Variants in PSME4 observed in about 807,000 individuals in gnomAD.
The protein encoded by PSME4 is proteasome activator subunit 4.
A neutral mutation model predicts 253.9 loss-of-function variants in PSME4; 89 were observed. That is an observed-to-expected ratio of 0.35 (90% CI 0.30 to 0.42). The LOEUF (loss-of-function observed/expected upper bound fraction) is 0.42. Among genes scored for constraint, PSME4 ranks in the 10% least tolerant of loss-of-function variants. The probability of loss-of-function intolerance (pLI) is 1.00; values close to 1 mark genes in which losing one functional copy is unlikely to be tolerated. For synonymous variants in PSME4, 851 were observed against 759.2 expected (o/e 1.12, Z -1.99); for missense variants, 2,014 against 2,195.2 (o/e 0.92, Z 1.65).
chr2:53,895,512 C>T (rs1209366108), intron 33 of PSME4, 71 bp downstream of exon 33: 4 of 1,479,946 alleles, frequency 2.7e-6, no homozygotes, highest in Non-Finnish European at 3.6e-6. Context: ...TGAACCTCCC[C>T]AGAAACCAAA....
intron 42 of PSME4, 41 bp downstream of exon 42, chr2:53,875,586 A>C: frequency 3.2e-6 from 5 of 1,567,384 alleles, no homozygotes; most frequent in Non-Finnish European, 4.3e-6. Flanking sequence ...TGGTAAACCA[A>C]AATCCTAATC....
chr2:53,939,964 G>A lies in PSME4; in HGVS notation c.537C>T (p.Ser179=). 1 of 1,598,388 alleles carries A rather than the reference G, an allele frequency of 6.3e-7. No homozygotes were observed. The highest frequency in any genetic ancestry group is 8.6e-7 in the Non-Finnish European group (1 of 1,167,998). The change falls in exon 4 of 47, where the codon AGC becomes AGT. Residue 179 remains serine, a synonymous_variant. Transcript: ENST00000404125. ...VENILKTLVK[S]CRPYFPADAT... ...ATTGAGAAGCTACTTACGGTCGGCA[G>A]CTTTTCACGAGTGTTTTGAGAATAT... is the stretch of plus-strand genomic sequence containing the variant.
At chr2:53,913,147 A>G (rs1016103024) in intron 20 of PSME4, among the ~76,000 whole-genome samples, 1 of 152,234 alleles carries the variant, frequency 6.6e-6, no homozygotes. Flanking sequence ...CATACTGTAA[A>G]TAACACCCTC....
chr2:53,898,390 T>C (rs370018654), intron 29 of PSME4, 36 bp from the exon 30 acceptor site: 1 of 1,442,308 alleles, frequency 6.9e-7, no homozygotes, highest in African/African-American at 1.4e-5. Context: ...TTTACTATAA[T>C]ACTAAAATGA....
In PSME4 at chr2:53,920,936, C is replaced by G; in HGVS notation, c.2215G>C (p.Val739Leu). ...TLIYPTEYCS[V>L]PGGFDKPPSE... ...GGAGGCTTGTCAAAGCCACCTGGCA[C>G]ACTGCAGTATTCTGTAGGGTAGATA... is the stretch of plus-strand genomic sequence containing the variant. The change falls in exon 18 of 47, where the codon GTG (valine) becomes CTG (leucine). Residue 739 changes from valine (V) to leucine (L), a missense_variant. Val to Leu is a conservative substitution (Grantham distance 32). This residue lies in a region of PSME4 where 989 missense variants were observed against 1,021.1 expected (regional missense o/e 0.97). Transcript: ENST00000404125. 6.2e-7 allele frequency: 1 copy of G among 1,613,880 alleles called. No individual in the cohort carries two copies. The highest frequency in any genetic ancestry group is 8.5e-7 in the Non-Finnish European group (1 of 1,179,802).
At chr2:53,872,122 C>G (rs1295417053) in intron 43 of PSME4, among the ~76,000 whole-genome samples, 1 of 152,088 alleles carries the variant, frequency 6.6e-6, no homozygotes, top group Non-Finnish European at 1.5e-5. Context: ...CAAATGATCC[C>G]CAACACCTCC....
chr2:53,946,570 C>A (rs528069682), intron 3 of PSME4, among the ~76,000 whole-genome samples: 102 of 152,300 alleles, frequency 6.7e-4, no homozygotes, highest in Admixed American at 3.5e-3. Flanking sequence ...TATTTACAAT[C>A]AAAGCTTTTG....
chr2:53,901,251 C>T (rs142883920), intron 28 of PSME4, 99 bp downstream of exon 28: 1 of 1,129,646 alleles, frequency 8.9e-7, no homozygotes, highest in Non-Finnish European at 1.3e-6. Flanking sequence ...ACTCAAATGC[C>T]AAGAATATTA....
chr2:53,920,930 C>G lies in PSME4; in HGVS notation c.2221G>C (p.Gly741Arg). 1 of 1,613,736 alleles carries G rather than the reference C, an allele frequency of 6.2e-7. No homozygotes were observed. Among genetic ancestry groups the G allele is most frequent in the Non-Finnish European group, 8.5e-7 (1 of 1,179,710 alleles). Reference protein sequence around the residue: ...IYPTEYCSVPGGFDKPPSEYF... With the variant: ...IYPTEYCSVPRGFDKPPSEYF... ...TCAGAAGGAGGCTTGTCAAAGCCAC[C>G]TGGCACACTGCAGTATTCTGTAGGG... Residue 741 changes from glycine (G) to arginine (R), a missense_variant, in exon 18 of 47, where the codon GGT (glycine) becomes CGT (arginine). Physicochemically the swap from Gly to Arg is moderately radical, Grantham distance 125. Transcript: ENST00000404125.
intron 27 of PSME4, among the ~76,000 whole-genome samples, chr2:53,903,394 C>T (rs987711447): frequency 2.0e-5 from 3 of 152,148 alleles, no homozygotes; most frequent in Admixed American, 6.5e-5. Context: ...AAGTCCCATC[C>T]GTTCTCACTC....
rs1553338431 is a variant in PSME4, at chr2:53,940,956, T to TTTAAATATATATATATAATACATATTTAA, written c.501-957_501-956insTTAAATATGTATTATATATATATATTTAA. On this transcript the variant is annotated intron_variant, in intron 3 of 46. Transcript: ENST00000404125. ...ACATATATAAATATATATATACATA[T>TTTAAATATATATATATAATACATATTTAA]ATATATATATATATATATATATATA... Among the ~76,000 whole-genome samples the TTTAAATATATATATATAATACATATTTAA allele has an allele frequency of 3.4e-4, 13 of 38,270 alleles. No individual in the cohort carries two copies. In the South Asian group the frequency reaches 3.7e-3, roughly 11 times the overall value. The allele number at this position is 38,270 out of a possible 152,430, so 25.1% of individuals were successfully genotyped here.
intron 40 of PSME4, 42 bp downstream of exon 40, chr2:53,887,217 T>C (rs1197597297): frequency 2.6e-6 from 4 of 1,515,758 alleles, no homozygotes; most frequent in South Asian, 1.1e-5. Context: ...GATAATCAAA[T>C]AGATGTTTTC....
intron 20 of PSME4, among the ~76,000 whole-genome samples, chr2:53,914,355 G>C (rs10490473): frequency 6.6e-6 from 1 of 152,110 alleles, no homozygotes; most frequent in African/African-American, 2.4e-5. Flanking sequence ...TATAAAGGTA[G>C]AATTATGAGT....
At position 53,906,580 on chromosome 2, in the gene PSME4, C is replaced by T. The variant is rs772723235; in HGVS notation, c.2943+18G>A. ...AAAATGGGAGGGCATGAGAGTGCAG[C>T]GTTTGGATAAGCCTTACCTGACTGT... On this transcript the variant is annotated intron_variant, in intron 26 of 46. Coordinates refer to ENST00000404125, the MANE Select transcript of PSME4 (RefSeq NM_014614.3). 1.4e-5 allele frequency: 22 copies of T among 1,525,150 alleles called. No individual in the cohort carries two copies. Among genetic ancestry groups the T allele is most frequent in the Admixed American group, 2.2e-5 (1 of 44,904 alleles). The allele number at this position is 1,525,150 out of a possible 1,614,324, so 94.5% of individuals were successfully genotyped here. A position where few individuals can be genotyped will look rare whatever the true frequency, so the allele number is the denominator to read the frequency against.
At chr2:53,893,604 A>T in intron 35 of PSME4, 70 bp downstream of exon 35, 2 of 1,570,938 alleles carry the variant, frequency 1.3e-6, no homozygotes, top group Non-Finnish European at 1.7e-6. Flanking sequence ...TCAAATATTT[A>T]TAAGTTATGA....
At position 53,937,453 on chromosome 2, in the gene PSME4, G is replaced by T. The variant is rs778005573; in HGVS notation, c.633C>A (p.Ile211=). 52 of 1,610,490 alleles carry T rather than the reference G, an allele frequency of 3.2e-5. No homozygotes were observed. The Admixed American group carries it at 7.2e-4, about 22-fold the overall frequency. ...CPFDVTMQKA[I]TYFEIFLPTS... ...TAGGAAGAAATATTTCAAAATAAGT[G>T]ATGGCCTTTTGCATGGTTACATCAA... is the stretch of plus-strand genomic sequence containing the variant. Residue 211 remains isoleucine (I), a synonymous_variant, in exon 5 of 47, where the codon ATC becomes ATA. Transcript: ENST00000404125.
rs761949199 is a variant in PSME4 at position 53,906,780 on chromosome 2, T to C, written c.2847+26A>G. 17 of 1,607,286 alleles carry C rather than the reference T, an allele frequency of 1.1e-5. No homozygotes were observed. In the African/African-American group the frequency reaches 2.3e-4, roughly 22 times the overall value. ...TCTGGAAAATTGACATTTTAAAAAG[T>C]CACTATGACTGAAAAACATATTTAC... On this transcript the variant is annotated intron_variant, in intron 25 of 46. Coordinates refer to ENST00000404125, the MANE Select transcript of PSME4 (RefSeq NM_014614.3).
rs1457198910 is a variant in PSME4, at chr2:53,865,062, G to A, written c.*516C>T. ...TCCATCAGGTCATTGGTTAGGTTCA[G>A]GACTTGCCCTCTTTTCCTTCCCTCT... On this transcript the variant is annotated 3_prime_UTR_variant, in exon 47 of 47. Coordinates refer to ENST00000404125, the MANE Select transcript of PSME4 (RefSeq NM_014614.3). 3 of 152,630 alleles carry A rather than the reference G, an allele frequency of 2.0e-5. No individual in the cohort carries two copies. The highest frequency in any genetic ancestry group is 2.9e-5 in the Non-Finnish European group (2 of 68,076). 9.5% of individuals were successfully genotyped at this position (152,630 alleles called of 1,614,324 possible).
At chr2:53,897,833 C>G in intron 31 of PSME4, 37 bp downstream of exon 31, 1 of 1,600,182 alleles carries the variant, frequency 6.2e-7, no homozygotes, top group Non-Finnish European at 8.6e-7. Flanking sequence ...CGTACATATT[C>G]TCAAACCCAA....
Sources: gnomAD v4.1 joint callset for allele counts (sites outside exome capture counted in the v4.1 genomes callset) on GRCh38, gnomAD v4.1.1 for gene constraint, gnomAD v4.1.1 regional missense constraint, MANE v1.5 for transcripts, NCBI Gene and HGNC (gene_info 2026-07-23, HGNC 2026-07-21) for gene names.